ZFR2: variants seen among roughly 807,000 people sequenced by gnomAD.
ZFR2 encodes zinc finger RNA binding protein 2, also known as zinc finger RNA-binding protein 2.
ZFR2 carries 104 observed loss-of-function variants against 105.7 expected under a neutral mutation model. The observed-to-expected ratio is 0.98, with a 90% CI of 0.84 to 1.16. The LOEUF (loss-of-function observed/expected upper bound fraction) is 1.16, where lower values mean the gene tolerates loss of function less well. Ranked by LOEUF, ZFR2 falls within the 50% of genes most tolerant of loss-of-function variation. The probability of loss-of-function intolerance (pLI) is 0.00; values close to 1 mark genes in which losing one functional copy is unlikely to be tolerated. For synonymous variants in ZFR2, 634 were observed against 597.7 expected (o/e 1.06, Z -0.89); for missense variants, 1,425 against 1,355.5 (o/e 1.05, Z -0.80).
Position 3,806,140 on chromosome 19 carries a change from C to T in ZFR2, c.2644-15G>A. 7.0e-7 allele frequency: 1 copy of T among 1,418,464 alleles called. No individual in the cohort carries two copies. The allele number at this position is 1,418,464 out of a possible 1,614,324, so 87.9% of individuals were successfully genotyped here. On this transcript the variant is annotated splice_polypyrimidine_tract_variant and intron_variant, in intron 18 of 18. Coordinates refer to ENST00000262961, the MANE Select transcript of ZFR2 (RefSeq NM_015174.2). ...CGCAGGGCGTGCTGCGGGGCACACA[C>T]AGCCTGTCAGGACCCCCGCCCGCTC...
intron 1 of ZFR2, among the ~76,000 whole-genome samples, chr19:3,848,247 G>A (rs917730716): frequency 1.2e-4 from 18 of 152,018 alleles, no homozygotes; most frequent in African/African-American, 4.3e-4. Context: ...CCCCGTCTCT[G>A]CTAAAAATGC....
intron 1 of ZFR2, among the ~76,000 whole-genome samples, chr19:3,835,398 T>A (rs2038068749): frequency 6.6e-6 from 1 of 151,810 alleles, no homozygotes; most frequent in Non-Finnish European, 1.5e-5. Flanking sequence ...CGATCTTAGC[T>A]CACTGCAACC....
intron 1 of ZFR2, among the ~76,000 whole-genome samples, chr19:3,839,452 G>A (rs745963520): frequency 6.9e-6 from 1 of 145,202 alleles, no homozygotes; most frequent in Non-Finnish European, 1.5e-5. Flanking sequence ...AGAATCGCTG[G>A]AACCCAGGAG....
At chr19:3,832,203 C>A (rs1270045775) in intron 3 of ZFR2, among the ~76,000 whole-genome samples, 1 of 152,144 alleles carries the variant, frequency 6.6e-6, no homozygotes, top group African/African-American at 2.4e-5. Flanking sequence ...ATGTTAGCTG[C>A]ATTTTCAGTC....
Position 3,808,854 on chromosome 19 carries a change from T to A in ZFR2, c.2545+18A>T. 2 of 1,533,340 alleles carry A rather than the reference T, an allele frequency of 1.3e-6. No individual in the cohort carries two copies. Among genetic ancestry groups the A allele is most frequent in the Non-Finnish European group, 1.8e-6 (2 of 1,141,372 alleles). 95.0% of individuals were successfully genotyped at this position (1,533,340 alleles called of 1,614,324 possible). A position where few individuals can be genotyped will look rare whatever the true frequency, so the allele number is the denominator to read the frequency against. On this transcript the variant is annotated intron_variant, in intron 17 of 18. Transcript: ENST00000262961. ...GATTTGCCGCCCACCTCCTGGGCCC[T>A]CCGGCCCAGCGACTGACCTGTCAGG...
intron 1 of ZFR2, among the ~76,000 whole-genome samples, chr19:3,865,864 A>G (rs1167503210): frequency 6.6e-6 from 1 of 151,458 alleles, no homozygotes; most frequent in Non-Finnish European, 1.5e-5. Context: ...TGTTTGAGAC[A>G]GTCTCACCCT....
At chr19:3,830,992 C>T (rs1431200814) in intron 5 of ZFR2, among the ~76,000 whole-genome samples, 4 of 152,086 alleles carry the variant, frequency 2.6e-5, no homozygotes, top group Non-Finnish European at 5.9e-5. Flanking sequence ...TACACACACG[C>T]TTGCACACAC....
chr19:3,831,656 T>C lies in ZFR2; in HGVS notation c.598+4A>G. The stretch of plus-strand genomic sequence containing the variant: ...ACCACCTGGGCAAGGAACGCTGGTC[T>C]TACCCGTGTAGGCGGTGCAGGTGGG... On this transcript the variant is annotated splice_donor_region_variant and intron_variant, in intron 4 of 18. Coordinates refer to ENST00000262961, the MANE Select transcript of ZFR2 (RefSeq NM_015174.2). 6.5e-7 allele frequency: 1 copy of C among 1,538,686 alleles called. No homozygotes were observed. Among genetic ancestry groups the C allele is most frequent in the South Asian group, 1.2e-5 (1 of 80,038 alleles).
chr19:3,840,080 T>C (rs2038120054), intron 1 of ZFR2, among the ~76,000 whole-genome samples: 1 of 152,198 alleles, frequency 6.6e-6, no homozygotes, highest in Non-Finnish European at 1.5e-5. Flanking sequence ...TGAAATGTAC[T>C]GATACGAGTC....
intron 13 of ZFR2, among the ~76,000 whole-genome samples, chr19:3,816,181 G>A (rs1019332874): frequency 6.6e-6 from 1 of 151,264 alleles, no homozygotes; most frequent in Non-Finnish European, 1.5e-5. Context: ...GATTTCAGGT[G>A]TGAGCCACCA....
At position 3,838,550 on chromosome 19, in the gene ZFR2, C is replaced by G. The variant is rs955176486; in HGVS notation, c.54-3567G>C. On this transcript the variant is annotated intron_variant, in intron 1 of 18. Coordinates refer to ENST00000262961, the MANE Select transcript of ZFR2 (RefSeq NM_015174.2). The surrounding 1 kb of genome is among the most constrained non-coding windows in gnomAD (Gnocchi z 4.9). ...CGCCAGCATTTCTTTGTCCTCCTGG[C>G]AGCCAGAGAGGGGTCTTTTCAAAGT... Among the ~76,000 whole-genome samples, 1 of 152,162 alleles carries G rather than the reference C, an allele frequency of 6.6e-6. No homozygotes were observed.
At chr19:3,810,939 A>G (rs992931050) in intron 15 of ZFR2, 94 bp from the exon 16 acceptor site, 42 of 1,359,904 alleles carry the variant, frequency 3.1e-5, no homozygotes, top group Non-Finnish European at 4.2e-5. Flanking sequence ...CCCAGGGAGG[A>G]TAATAGGGAG....
intron 1 of ZFR2, among the ~76,000 whole-genome samples, chr19:3,859,683 A>T (rs570319226): frequency 6.6e-6 from 1 of 152,310 alleles, no homozygotes; most frequent in Non-Finnish European, 1.5e-5. Flanking sequence ...ACCAGAGGCT[A>T]ATGCGTCCAG....
At position 3,822,095 on chromosome 19, in the gene ZFR2, G is replaced by T. The variant is rs2037901532; in HGVS notation, c.1477C>A (p.Arg493=). The change falls in exon 9 of 19, where the codon CGG becomes AGG. Residue 493 remains arginine, a synonymous_variant. Transcript: ENST00000262961. ...GCTGGACGCACCCGGTACTGCAGCC[G>T]GTGCCGCCGCCCCCTCACGTGCAGG... ...KDLHVRGRRH[R]LQYRKKVNPD... 1 of 1,605,722 alleles carries T rather than the reference G, an allele frequency of 6.2e-7. No homozygotes were observed. The highest frequency in any genetic ancestry group is 2.3e-5 in the East Asian group (1 of 44,436).
intron 1 of ZFR2, among the ~76,000 whole-genome samples, chr19:3,853,586 A>G (rs550403849): frequency 1.3e-5 from 2 of 152,314 alleles, no homozygotes; most frequent in East Asian, 3.9e-4. Flanking sequence ...ACAAAAGGCC[A>G]TACAATATGT....
At chr19:3,811,144 T>A (rs1193801351) in intron 15 of ZFR2, 128 bp downstream of exon 15, 8 of 930,150 alleles carry the variant, frequency 8.6e-6, no homozygotes, top group Non-Finnish European at 1.2e-5. Flanking sequence ...AGGAAGCTGA[T>A]GGCAGGCGTC....
At chr19:3,860,686 C>T (rs1171018394) in intron 1 of ZFR2, among the ~76,000 whole-genome samples, 2 of 152,176 alleles carry the variant, frequency 1.3e-5, no homozygotes, top group African/African-American at 2.4e-5. Context: ...GCATTAGCTA[C>T]GTGCCCTCCC....
rs2037901393 is a variant in ZFR2 at position 3,822,085 on chromosome 19, T to C, written c.1487A>G (p.Tyr496Cys). Reference protein sequence around the residue: ...HVRGRRHRLQYRKKVNPDLPI... With the variant: ...HVRGRRHRLQCRKKVNPDLPI... Reference sequence around the variant, plus strand: ...AGCTCCCCCTGCTGGACGCACCCGGTACTGCAGCCGGTGCCGCCGCCCCCT... The same window carrying C: ...AGCTCCCCCTGCTGGACGCACCCGGCACTGCAGCCGGTGCCGCCGCCCCCT... The change falls in exon 9 of 19, where the codon TAC (tyrosine) becomes TGC (cysteine). Residue 496 changes from tyrosine (Y) to cysteine (C), a missense_variant. Tyr to Cys is a radical substitution (Grantham distance 194). Coordinates refer to ENST00000262961, the MANE Select transcript of ZFR2 (RefSeq NM_015174.2). The C allele has an allele frequency of 2.5e-6, 4 of 1,601,346 alleles. No homozygotes were observed. The highest frequency in any genetic ancestry group is 2.6e-6 in the Non-Finnish European group (3 of 1,175,092).
chr19:3,850,522 G>C (rs1056505139), intron 1 of ZFR2, among the ~76,000 whole-genome samples: 5 of 152,018 alleles, frequency 3.3e-5, no homozygotes, highest in African/African-American at 1.2e-4. Context: ...GGCCTTCAGG[G>C]AGGGAATGAA....
Sources: allele counts gnomAD v4.1 joint callset (sites outside exome capture counted in the v4.1 genomes callset), GRCh38; gene constraint gnomAD v4.1.1; non-coding constraint Gnocchi (gnomAD v3.1); transcripts MANE v1.5; gene names NCBI Gene and HGNC (gene_info 2026-07-23, HGNC 2026-07-21).